The following MGAT4C variants were observed in gnomAD, a reference collection of about 807,000 sequenced individuals.
MGAT4C encodes the protein alpha-1,3-mannosyl-glycoprotein 4-beta-N-acetylglucosaminyltransferase C.
In MGAT4C, 19 loss-of-function variants were observed where a neutral mutation model predicts 40.1. The ratio of observed to expected loss-of-function variants is 0.47; its 90% CI spans 0.33 to 0.70. The LOEUF is 0.70. Ranked by LOEUF, MGAT4C falls within the 30% of genes least tolerant of loss-of-function variation. The probability of loss-of-function intolerance (pLI) is 0.02; values close to 1 mark genes in which losing one functional copy is unlikely to be tolerated. For missense variants in MGAT4C, 491 were observed against 563.2 expected, an observed-to-expected ratio of 0.87 and a Z score of 1.30; for synonymous variants, 181 against 187.1, an observed-to-expected ratio of 0.97 and a Z score of 0.27.
chr12:86,054,820 C>A (rs1893231469), intron 1 of MGAT4C, among the ~76,000 whole-genome samples: 1 of 151,628 alleles, frequency 6.6e-6, no homozygotes, highest in African/African-American at 2.4e-5. Flanking sequence ...GAAGTGTGGG[C>A]CTCTCATTTG....
chr12:86,442,238 A>G (rs1295145906), intron 2 of MGAT4C, among the ~76,000 whole-genome samples: 2 of 152,048 alleles, frequency 1.3e-5, no homozygotes, highest in Admixed American at 6.6e-5. Flanking sequence ...TAGATTCTGG[A>G]TATTAGCCCT....
chr12:86,706,344 G>C (rs1950458036), intron 2 of MGAT4C, among the ~76,000 whole-genome samples: 1 of 151,974 alleles, frequency 6.6e-6, no homozygotes, highest in Admixed American at 6.6e-5. Flanking sequence ...GATTTTTTAG[G>C]GCTATTTTAA....
chr12:86,411,770 T>C (rs192081726), intron 3 of MGAT4C, among the ~76,000 whole-genome samples: 1 of 152,246 alleles, frequency 6.6e-6, no homozygotes, highest in Admixed American at 6.5e-5. Context: ...GCCAAGGCAA[T>C]GGGTAAAGGG....
At chr12:86,006,715 C>A (rs150229051) in intron 2 of MGAT4C, among the ~76,000 whole-genome samples, 2 of 152,258 alleles carry the variant, frequency 1.3e-5, no homozygotes, top group African/African-American at 4.8e-5. Flanking sequence ...ATTTTTCATC[C>A]ACCACCATCC....
intron 1 of MGAT4C, among the ~76,000 whole-genome samples, chr12:86,075,339 C>G (rs908075975): frequency 1.3e-5 from 2 of 152,184 alleles, no homozygotes; most frequent in Non-Finnish European, 2.9e-5. Flanking sequence ...GCTGATACAA[C>G]AGATGGGTTC....
At chr12:86,255,955 C>A (rs1156595227) in intron 1 of MGAT4C, among the ~76,000 whole-genome samples, 1 of 152,062 alleles carries the variant, frequency 6.6e-6, no homozygotes, top group African/African-American at 2.4e-5. Flanking sequence ...GTTTTAAAAA[C>A]ACATTCAAAA....
chr12:86,605,426 G>A (rs769200438), intron 2 of MGAT4C, among the ~76,000 whole-genome samples: 8 of 151,778 alleles, frequency 5.3e-5, no homozygotes, highest in African/African-American at 9.7e-5. Flanking sequence ...AGATCAACTC[G>A]GCAGCCTGTT....
At chr12:86,326,743 T>C (rs1220102178) in intron 4 of MGAT4C, among the ~76,000 whole-genome samples, 1 of 152,122 alleles carries the variant, frequency 6.6e-6, no homozygotes, top group Non-Finnish European at 1.5e-5. Context: ...TATCGTACCA[T>C]TTTCTATTTC....
intron 3 of MGAT4C, among the ~76,000 whole-genome samples, chr12:86,362,866 CAAA>C (rs55701637): frequency 2.9e-5 from 3 of 104,720 alleles, no homozygotes; most frequent in Non-Finnish European, 5.2e-5. Context: ...GACTCCATCT[CAAA>C]AAAAAAAAAA....
chr12:86,315,652 G>A (rs1954197367), intron 4 of MGAT4C, among the ~76,000 whole-genome samples: 1 of 152,152 alleles, frequency 6.6e-6, no homozygotes, highest in South Asian at 2.1e-4. Flanking sequence ...CTTGCAGTGA[G>A]CCGAGATCGC....
intron 2 of MGAT4C, among the ~76,000 whole-genome samples, chr12:86,630,858 G>A (rs530611565): frequency 4.6e-5 from 7 of 152,158 alleles, no homozygotes; most frequent in East Asian, 1.9e-4. Flanking sequence ...CAGGGATGCC[G>A]TCTTTCACCA....
At chr12:86,469,191 G>T (rs546654038) in intron 2 of MGAT4C, among the ~76,000 whole-genome samples, 1 of 151,984 alleles carries the variant, frequency 6.6e-6, no homozygotes, top group Non-Finnish European at 1.5e-5. Flanking sequence ...TATTATATCA[G>T]TTAATCCTGT....
chr12:86,007,450 T>C (rs539850527), intron 2 of MGAT4C, among the ~76,000 whole-genome samples: 37 of 152,096 alleles, frequency 2.4e-4, no homozygotes, highest in Non-Finnish European at 5.0e-4. Flanking sequence ...CACCATGATC[T>C]GGTAGTGTAT....
At chr12:86,096,189 T>G (rs1873879244) in intron 1 of MGAT4C, among the ~76,000 whole-genome samples, 1 of 151,830 alleles carries the variant, frequency 6.6e-6, no homozygotes, top group South Asian at 2.1e-4. Context: ...TTTGCCTTAA[T>G]GCCTTTTTAA....
At chr12:86,736,416 G>A (rs559474922) in intron 1 of MGAT4C, among the ~76,000 whole-genome samples, 11 of 151,370 alleles carry the variant, frequency 7.3e-5, no homozygotes, top group South Asian at 4.2e-4. Context: ...CTTATTATCC[G>A]GCTTAAATTT....
chr12:86,834,322 A>G (rs750217665), intron 1 of MGAT4C, among the ~76,000 whole-genome samples: 2 of 151,796 alleles, frequency 1.3e-5, no homozygotes, highest in Non-Finnish European at 2.9e-5. Flanking sequence ...TCAAAGGGGC[A>G]GGGTTTAATA....
rs1159243491 is a variant in MGAT4C at position 86,344,740 on chromosome 12, GTGTGTGTGTGTGTGTA to G, written c.-119-10629_-119-10614del. Among the ~76,000 whole-genome samples, 77 of 125,608 alleles carry G rather than the reference GTGTGTGTGTGTGTGTA, an allele frequency of 6.1e-4. 1 individual carries two copies. Among genetic ancestry groups the G allele is most frequent in the African/African-American group, 1.8e-3 (67 of 37,830 alleles). 82.4% of individuals were successfully genotyped at this position (125,608 alleles called of 152,430 possible). On this transcript the variant is annotated intron_variant, in intron 3 of 7. Transcript: ENST00000548651. ...TCGGTGTGTGTGTGTGTGTGTGTGT[GTGTGTGTGTGTGTGTA>G]TGTGTGTGTGTGTGTGTGTAGCGGC...
At chr12:86,103,093 T>C (rs1334263523) in intron 1 of MGAT4C, among the ~76,000 whole-genome samples, 1 of 152,160 alleles carries the variant, frequency 6.6e-6, no homozygotes, top group African/African-American at 2.4e-5. Context: ...CTGCATTGGC[T>C]CCATATTCTG....
intron 3 of MGAT4C, among the ~76,000 whole-genome samples, chr12:86,418,563 C>T (rs1168427315): frequency 1.3e-5 from 2 of 151,374 alleles, no homozygotes; most frequent in African/African-American, 2.4e-5. Context: ...TGCACTCTAG[C>T]CTGGGCAACA....
Sources: allele counts gnomAD v4.1 joint callset (sites outside exome capture counted in the v4.1 genomes callset), GRCh38; gene constraint gnomAD v4.1.1; transcripts MANE v1.5; gene names NCBI Gene and HGNC (gene_info 2026-07-23, HGNC 2026-07-21).